Variants in FAM50A observed in about 807,000 individuals in gnomAD.
FAM50A encodes the protein protein FAM50A.
In FAM50A, 6 loss-of-function variants were observed where a neutral mutation model predicts 35.5. The observed-to-expected ratio is 0.17, with a 90% CI of 0.09 to 0.33. The LOEUF (loss-of-function observed/expected upper bound fraction) is 0.33, where lower values mean the gene tolerates loss of function less well. FAM50A is among the 10% of genes least tolerant of loss of function. FAM50A has a pLI of 1.00. For missense variants in FAM50A, 145 were observed against 295.5 expected (o/e 0.49, Z 3.73); for synonymous variants, 120 against 110.9 (o/e 1.08, Z -0.52).
chrX:154,445,903 G>A lies in FAM50A; in HGVS notation c.288G>A (p.Glu96=). 3 of 1,199,437 alleles carry A rather than the reference G, an allele frequency of 2.5e-6. No homozygotes were observed. The highest frequency in any genetic ancestry group is 3.4e-6 in the Non-Finnish European group (3 of 884,880). ...KQLAKKEQSK[E]LQMKLEKLRE... ...TGGCCAAGAAGGAGCAGTCCAAGGA[G>A]CTGCAGATGTGGGTCCTCTCGCCGC... Residue 96 remains glutamate, a synonymous_variant, in exon 3 of 13, where the codon GAG becomes GAA. Transcript: ENST00000393600.
In FAM50A at chrX:154,444,232, T is replaced by C. The variant is rs782344035; in HGVS notation, c.-4T>C. 2.7e-5 allele frequency: 24 copies of C among 894,199 alleles called. No individual in the cohort carries two copies. In the East Asian group the frequency reaches 3.6e-4, roughly 13 times the overall value. 73.7% of individuals were successfully genotyped at this position (894,199 alleles called of 1,213,427 possible). ...CCGCCGCCGCCGCCGCCGCCGCCGCTGCCATGGCTCAATACAAGGGCGCCG... is the reference window on the plus strand; with the variant it reads ...CCGCCGCCGCCGCCGCCGCCGCCGCCGCCATGGCTCAATACAAGGGCGCCG... On this transcript the variant is annotated 5_prime_UTR_variant, in exon 1 of 13. Coordinates refer to ENST00000393600, the MANE Select transcript of FAM50A (RefSeq NM_004699.4).
rs1557200161 is a variant in FAM50A, at chrX:154,448,978, C to G, written c.648+24C>G. ...AGGTAGGCAGCGTGCAGCCTGCTTC[C>G]TGCTCACCATGGGCCCAGCCTCCCT... On this transcript the variant is annotated intron_variant, in intron 7 of 12. Transcript: ENST00000393600. 1.1e-5 allele frequency: 13 copies of G among 1,182,037 alleles called. No individual in the cohort carries two copies. The East Asian group carries it at 3.9e-4, about 35-fold the overall frequency.
rs782229660 is a variant in FAM50A at position 154,444,449 on chromosome X, G to C, written c.111+103G>C. On this transcript the variant is annotated intron_variant, in intron 1 of 12. Transcript: ENST00000393600. ...CCCTGGGGCGGTGGCCACGGAGCGC[G>C]GGCGGCGCGCCGGGGCAGGCCCCTG... 4.3e-3 allele frequency: 1,681 copies of C among 388,814 alleles called. 17 individuals carry two copies. The highest frequency in any genetic ancestry group is 0.042 in the African/African-American group (1,542 of 36,333). 32.0% of individuals were successfully genotyped at this position (388,814 alleles called of 1,213,427 possible). A position where few individuals can be genotyped will look rare whatever the true frequency, so the allele number is the denominator to read the frequency against.
chrX:154,449,085 C>T (rs1557200175), intron 7 of FAM50A, 131 bp downstream of exon 7: 1 of 894,619 alleles, frequency 1.1e-6, no homozygotes. Flanking sequence ...GGGCCTGGCC[C>T]CCTGTCTGGG....
In FAM50A at chrX:154,450,528, C is replaced by A. The variant is rs1557200484; in HGVS notation, c.*96C>A. On this transcript the variant is annotated 3_prime_UTR_variant, in exon 13 of 13. Coordinates refer to ENST00000393600, the MANE Select transcript of FAM50A (RefSeq NM_004699.4). ...AGGCACCCGCTCCCCTGCGACCATG[C>A]CAGGCACGCTGGGAGGAGGACGGCA... 2.2e-6 allele frequency: 2 copies of A among 930,116 alleles called. No homozygotes were observed. The highest frequency in any genetic ancestry group is 1.9e-5 in the African/African-American group (1 of 51,360). 76.7% of individuals were successfully genotyped at this position (930,116 alleles called of 1,213,427 possible).
At chrX:154,445,287 C>T (rs1369861317) in intron 1 of FAM50A, among the ~76,000 whole-genome samples, 2 of 111,549 alleles carry the variant, frequency 1.8e-5, no homozygotes, top group Non-Finnish European at 3.8e-5. Flanking sequence ...GGCCCCTCAA[C>T]CACTCTGTTC....
chrX:154,449,192 C>T, intron 7 of FAM50A, 29 bp from the exon 8 acceptor site: 1 of 1,185,967 alleles, frequency 8.4e-7, no homozygotes, highest in Non-Finnish European at 1.1e-6. Context: ...TCCGCCTTCC[C>T]TTCCCAACTC....
rs782193886 is a variant in FAM50A, at chrX:154,447,535, C to G, written c.443-949C>G. On this transcript the variant is annotated intron_variant, in intron 4 of 12. Coordinates refer to ENST00000393600, the MANE Select transcript of FAM50A (RefSeq NM_004699.4). ...ATTTTAGTATGACATTGTATTTAAC[C>G]CAGCGTATCCAAAATATCACCATTG... Among the ~76,000 whole-genome samples, 11 of 112,362 alleles carry G rather than the reference C, an allele frequency of 9.8e-5. No homozygotes were observed. In the East Asian group the frequency reaches 2.8e-3, roughly 28 times the overall value.
chrX:154,444,284 C>T lies in FAM50A; in HGVS notation c.49C>T (p.Leu17=). 5.4e-6 allele frequency: 6 copies of T among 1,120,674 alleles called. No homozygotes were observed. The highest frequency in any genetic ancestry group is 7.1e-6 in the Non-Finnish European group (6 of 849,172). The allele number at this position is 1,120,674 out of a possible 1,213,427, so 92.4% of individuals were successfully genotyped here. Residue 17 remains leucine (L), a synonymous_variant, in exon 1 of 13, where the codon CTG becomes TTG. Transcript: ENST00000393600. ...AASEAGRAMH[L]MKKREKQREQ... is the part of the protein sequence containing the mutation. Reference sequence around the variant, plus strand: ...GAGCGAGGCCGGCCGCGCCATGCACCTGATGAAGAAGCGGGAGAAGCAGCG... The same window carrying T: ...GAGCGAGGCCGGCCGCGCCATGCACTTGATGAAGAAGCGGGAGAAGCAGCG...
At position 154,444,214 on chromosome X, in the gene FAM50A, C is replaced by T. The variant is rs868917681; in HGVS notation, c.-22C>T. The T allele has an allele frequency of 3.6e-5, 28 of 786,975 alleles. No individual in the cohort carries two copies. The highest frequency in any genetic ancestry group is 4.4e-5 in the Non-Finnish European group (28 of 639,607). The allele number at this position is 786,975 out of a possible 1,213,427, so 64.9% of individuals were successfully genotyped here. ...CGCCGCCGCCGCCGCCCGCCGCCGC[C>T]GCCGCCGCCGCCGCCGCTGCCATGG... On this transcript the variant is annotated 5_prime_UTR_variant, in exon 1 of 13. Transcript: ENST00000393600.
intron 7 of FAM50A, 111 bp from the exon 8 acceptor site, chrX:154,449,110 C>T (rs1208319553): frequency 3.4e-6 from 3 of 885,498 alleles, no homozygotes; most frequent in Non-Finnish European, 4.9e-6. Flanking sequence ...GAGGCCCAGG[C>T]CTGGCTGAGG....
At chrX:154,445,409 G>A in intron 1 of FAM50A, 2 of 440,207 alleles carry the variant, frequency 4.5e-6, no homozygotes, top group South Asian at 6.9e-5. Flanking sequence ...GGCTACTGAG[G>A]GACCTGTGAT....
chrX:154,444,188 TCGC>T lies in FAM50A; in HGVS notation c.-34_-32del, dbSNP rs1163232366. Reference sequence around the variant, plus strand: ...GCCGCTGCCGCTGCCGCTGTCGCTGTCGCCGCCGCCGCCGCCCGCCGCCGCCGC... The same window carrying T: ...GCCGCTGCCGCTGCCGCTGTCGCTGTCGCCGCCGCCGCCCGCCGCCGCCGC... On this transcript the variant is annotated 5_prime_UTR_variant, in exon 1 of 13. Coordinates refer to ENST00000393600, the MANE Select transcript of FAM50A (RefSeq NM_004699.4). 5.5e-4 allele frequency: 278 copies of T among 507,059 alleles called. No homozygotes were observed. In the African/African-American group the frequency reaches 6.1e-3, roughly 11 times the overall value. The allele number at this position is 507,059 out of a possible 1,213,427, so 41.8% of individuals were successfully genotyped here. A position where few individuals can be genotyped will look rare whatever the true frequency, so the allele number is the denominator to read the frequency against.
Position 154,450,597 on chromosome X carries a change from CT to C in FAM50A, c.*169del. The C allele has an allele frequency of 4.1e-6, 2 of 487,415 alleles. No individual in the cohort carries two copies. The highest frequency in any genetic ancestry group is 6.4e-5 in the South Asian group (2 of 31,426). The allele number at this position is 487,415 out of a possible 1,213,427, so 40.2% of individuals were successfully genotyped here. A position where few individuals can be genotyped will look rare whatever the true frequency, so the allele number is the denominator to read the frequency against. ...CTGCCACATCAGTGACTGCTTTATT[CT>C]TTTCCAATAAAGAAGTGCACGTGTC... On this transcript the variant is annotated 3_prime_UTR_variant, in exon 13 of 13. Transcript: ENST00000393600.
intron 8 of FAM50A, 127 bp from the exon 9 acceptor site, chrX:154,449,554 C>T: frequency 1.7e-6 from 1 of 590,627 alleles, no homozygotes. Flanking sequence ...AACCATGGAG[C>T]TTCCCTCACA....
At chrX:154,448,334 T>C (rs2068790212) in intron 4 of FAM50A, 150 bp from the exon 5 acceptor site, 2 of 478,580 alleles carry the variant, frequency 4.2e-6, no homozygotes, top group Non-Finnish European at 7.4e-6. Context: ...TCCCCAAGTG[T>C]TGGGTTGACA....
At chrX:154,445,403 A>G (rs1238778790) in intron 1 of FAM50A, 3 of 437,769 alleles carry the variant, frequency 6.9e-6, no homozygotes, top group Admixed American at 4.0e-5. Flanking sequence ...GCTTCAGGCT[A>G]CTGAGGGACC....
chrX:154,450,494 CG>C lies in FAM50A; in HGVS notation c.*65del, dbSNP rs2068801488. 1.7e-6 allele frequency: 2 copies of C among 1,149,631 alleles called. No individual in the cohort carries two copies. Among genetic ancestry groups the C allele is most frequent in the Admixed American group, 4.5e-5 (2 of 44,465 alleles). 94.7% of individuals were successfully genotyped at this position (1,149,631 alleles called of 1,213,427 possible). ...CCCTCAGTGTGCCCCGTGGTGTCAC[CG>C]GGACTCCAGGCACCCGCTCCCCTGC... On this transcript the variant is annotated 3_prime_UTR_variant, in exon 13 of 13. Coordinates refer to ENST00000393600, the MANE Select transcript of FAM50A (RefSeq NM_004699.4).
At position 154,444,283 on chromosome X, in the gene FAM50A, C is replaced by A; in HGVS notation, c.48C>A (p.His16Gln). 8.9e-7 allele frequency: 1 copy of A among 1,120,001 alleles called. No individual in the cohort carries two copies. 92.3% of individuals were successfully genotyped at this position (1,120,001 alleles called of 1,213,427 possible). Residue 16 changes from histidine to glutamine, a missense_variant, in exon 1 of 13, where the codon CAC becomes CAA. By Grantham distance (24) the His-to-Gln change is conservative (BLOSUM62 0). This residue lies in a region of FAM50A where 19 missense variants were observed against 16.3 expected (regional missense o/e 1.17). Coordinates refer to ENST00000393600, the MANE Select transcript of FAM50A (RefSeq NM_004699.4). ...CGAGCGAGGCCGGCCGCGCCATGCA[C>A]CTGATGAAGAAGCGGGAGAAGCAGC... is the stretch of plus-strand genomic sequence containing the variant. ...GAASEAGRAM[H>Q]LMKKREKQRE...
Sources: gnomAD v4.1 joint callset for allele counts (sites outside exome capture counted in the v4.1 genomes callset) on GRCh38, gnomAD v4.1.1 for gene constraint, gnomAD v4.1.1 regional missense constraint, MANE v1.5 for transcripts, NCBI Gene and HGNC (gene_info 2026-07-23, HGNC 2026-07-21) for gene names.